SLC24A3: variants seen among roughly 807,000 people sequenced by gnomAD.
The protein encoded by SLC24A3 is sodium/potassium/calcium exchanger 3.
In SLC24A3, 28 loss-of-function variants were observed where a neutral mutation model predicts 75.8. The observed-to-expected ratio is 0.37, with a 90% CI of 0.27 to 0.51. The LOEUF is 0.51. SLC24A3 is among the 20% of genes least tolerant of loss of function. The pLI is 0.94. For synonymous variants in SLC24A3, 372 were observed against 334.1 expected, an observed-to-expected ratio of 1.11 and a Z score of -1.24; for missense variants, 663 against 847.8, an observed-to-expected ratio of 0.78 and a Z score of 2.71.
intron 2 of SLC24A3, among the ~76,000 whole-genome samples, chr20:19,292,805 GT>G (rs755050334): frequency 2.4e-4 from 36 of 152,330 alleles, no homozygotes; most frequent in Non-Finnish European, 4.7e-4. Context: ...ATTTCTTACA[GT>G]TCTGGAAGCT....
At chr20:19,328,499 G>A (rs1019391757) in intron 2 of SLC24A3, among the ~76,000 whole-genome samples, 7 of 152,158 alleles carry the variant, frequency 4.6e-5, no homozygotes, top group South Asian at 2.1e-4. Flanking sequence ...ATCTGATTCC[G>A]GACATGGTTT....
At position 19,212,771 on chromosome 20, in the gene SLC24A3, G is replaced by A; in HGVS notation, c.-72G>A. 3 of 974,230 alleles carry A rather than the reference G, an allele frequency of 3.1e-6. No individual in the cohort carries two copies. Among genetic ancestry groups the A allele is most frequent in the Non-Finnish European group, 3.6e-6 (3 of 822,908 alleles). 60.3% of individuals were successfully genotyped at this position (974,230 alleles called of 1,614,324 possible). A position where few individuals can be genotyped will look rare whatever the true frequency, so the allele number is the denominator to read the frequency against. On this transcript the variant is annotated 5_prime_UTR_variant, in exon 1 of 17. Transcript: ENST00000328041. ...GCTGCGCGCAGGGCTGCCTCCTGCC[G>A]CTGTCCCCGCCGCGGCCGCCCGCGA... is the stretch of plus-strand genomic sequence containing the variant.
chr20:19,513,771 G>A (rs1290372013), intron 2 of SLC24A3, among the ~76,000 whole-genome samples: 4 of 145,464 alleles, frequency 2.7e-5, no homozygotes, highest in South Asian at 2.2e-4. Context: ...AGATATTATT[G>A]ACGTATAAAA....
chr20:19,604,815 C>T (rs1474916936), intron 6 of SLC24A3, among the ~76,000 whole-genome samples: 2 of 152,160 alleles, frequency 1.3e-5, no homozygotes, highest in Admixed American at 6.5e-5. Context: ...AGCTCTGCAT[C>T]CCCACTTCAA....
chr20:19,673,834 T>C (rs185365401), intron 9 of SLC24A3, among the ~76,000 whole-genome samples, 180 bp downstream of exon 9: 44 of 152,334 alleles, frequency 2.9e-4, no homozygotes, highest in Admixed American at 2.8e-3. Flanking sequence ...TCAATTGTAG[T>C]GACCCTTCCA....
At chr20:19,604,098 C>T (rs2031564887) in intron 6 of SLC24A3, among the ~76,000 whole-genome samples, 1 of 152,138 alleles carries the variant, frequency 6.6e-6, no homozygotes, top group Non-Finnish European at 1.5e-5. Flanking sequence ...GTGACCAAGA[C>T]AGGAAAGGCC....
At chr20:19,528,497 T>C (rs2122572672) in intron 3 of SLC24A3, among the ~76,000 whole-genome samples, 1 of 152,320 alleles carries the variant, frequency 6.6e-6, no homozygotes, top group South Asian at 2.1e-4. Flanking sequence ...TACTTGGAAA[T>C]CGCCAAGCAC....
intron 3 of SLC24A3, among the ~76,000 whole-genome samples, chr20:19,540,905 A>G (rs1225421388): frequency 6.6e-6 from 1 of 152,232 alleles, no homozygotes; most frequent in Non-Finnish European, 1.5e-5. Flanking sequence ...TAACAATGTC[A>G]CTTTAGATGT....
intron 2 of SLC24A3, among the ~76,000 whole-genome samples, chr20:19,411,307 A>C (rs1986740627): frequency 6.6e-6 from 1 of 152,228 alleles, no homozygotes; most frequent in Non-Finnish European, 1.5e-5. Flanking sequence ...TGCTTCAAAA[A>C]GAAAGTGTTG....
At chr20:19,250,569 G>A (rs989347029) in intron 1 of SLC24A3, among the ~76,000 whole-genome samples, 2 of 152,310 alleles carry the variant, frequency 1.3e-5, no homozygotes, top group Middle Eastern at 3.4e-3. Flanking sequence ...TTTGCCTGGA[G>A]CATTAAATTC....
At position 19,212,996 on chromosome 20, in the gene SLC24A3, C is replaced by A; in HGVS notation, c.142+12C>A. On this transcript the variant is annotated intron_variant, in intron 1 of 16. Transcript: ENST00000328041. ...GCGAGAGCAGAAGGGTGAGTGCACG[C>A]TGCCTGCCCCGAGTGGGCGCTGCGG... 7.9e-7 allele frequency: 1 copy of A among 1,260,934 alleles called. No homozygotes were observed. 78.1% of individuals were successfully genotyped at this position (1,260,934 alleles called of 1,614,324 possible).
intron 2 of SLC24A3, among the ~76,000 whole-genome samples, chr20:19,390,509 A>G (rs1413528363): frequency 6.6e-6 from 1 of 151,970 alleles, no homozygotes; most frequent in Non-Finnish European, 1.5e-5. Flanking sequence ...GGCCTGTAGT[A>G]TAGGACCATG....
intron 2 of SLC24A3, among the ~76,000 whole-genome samples, chr20:19,510,411 G>A (rs1988519221): frequency 2.0e-5 from 3 of 152,200 alleles, no homozygotes; most frequent in Non-Finnish European, 4.4e-5. Context: ...AGCTAATTAT[G>A]TGTGTATAAG....
chr20:19,679,760 TTTTA>T (rs1473282075), intron 9 of SLC24A3, among the ~76,000 whole-genome samples: 1 of 152,262 alleles, frequency 6.6e-6, no homozygotes, highest in African/African-American at 2.4e-5. Flanking sequence ...CATTGTTTTC[TTTTA>T]GTTTCATAAA....
chr20:19,249,631 G>T (rs902447290), intron 1 of SLC24A3, among the ~76,000 whole-genome samples: 1 of 152,078 alleles, frequency 6.6e-6, no homozygotes, highest in Non-Finnish European at 1.5e-5. Context: ...CTTGTGAAAT[G>T]GGTTTATCGC....
At chr20:19,463,069 C>A (rs184737978) in intron 2 of SLC24A3, among the ~76,000 whole-genome samples, 6 of 152,306 alleles carry the variant, frequency 3.9e-5, no homozygotes, top group African/African-American at 1.4e-4. Flanking sequence ...ATGTAAGTTT[C>A]TTTGTTCAGT....
At chr20:19,375,462 C>T (rs573522735) in intron 2 of SLC24A3, among the ~76,000 whole-genome samples, 3 of 152,274 alleles carry the variant, frequency 2.0e-5, no homozygotes, top group African/African-American at 7.2e-5. Context: ...GAAATGGAGG[C>T]GGGGCAGGCA....
chr20:19,451,384 GC>G (rs2122482281), intron 2 of SLC24A3, among the ~76,000 whole-genome samples: 1 of 152,260 alleles, frequency 6.6e-6, no homozygotes, highest in South Asian at 2.1e-4. Context: ...ACAGTCCTTG[GC>G]CCCGGTGGGC....
intron 2 of SLC24A3, among the ~76,000 whole-genome samples, chr20:19,488,128 G>A (rs1316286619): frequency 6.6e-6 from 1 of 152,200 alleles, no homozygotes; most frequent in African/African-American, 2.4e-5. Flanking sequence ...ATTGGCATGC[G>A]CTGGGTAGCG....
Sources: gnomAD v4.1 joint callset for allele counts (sites outside exome capture counted in the v4.1 genomes callset) on GRCh38, gnomAD v4.1.1 for gene constraint, MANE v1.5 for transcripts, NCBI Gene and HGNC (gene_info 2026-07-23, HGNC 2026-07-21) for gene names.